Variants in ANXA4 observed in about 807,000 individuals in gnomAD.
The protein encoded by ANXA4 is 35-beta calcimedin.
A neutral mutation model predicts 49.8 loss-of-function variants in ANXA4; 39 were observed. The ratio of observed to expected loss-of-function variants is 0.78; its 90% CI spans 0.61 to 1.02. The LOEUF (loss-of-function observed/expected upper bound fraction) is 1.02. Ranked by LOEUF, ANXA4 falls within the 50% of genes least tolerant of loss-of-function variation. ANXA4 has a pLI of 0.00. For missense variants in ANXA4, 360 were observed against 410.1 expected, an observed-to-expected ratio of 0.88 and a Z score of 1.05; for synonymous variants, 134 against 152.5, an observed-to-expected ratio of 0.88 and a Z score of 0.89.
intron 2 of ANXA4, among the ~76,000 whole-genome samples, chr2:69,687,889 A>G (rs1231840750): frequency 6.6e-6 from 1 of 152,244 alleles, no homozygotes; most frequent in Non-Finnish European, 1.5e-5. Flanking sequence ...ATGCCTGAAC[A>G]TATCATTGAG....
At chr2:69,753,819 G>T (rs1670946430) in intron 1 of ANXA4, among the ~76,000 whole-genome samples, 1 of 152,230 alleles carries the variant, frequency 6.6e-6, no homozygotes. Context: ...TCCTAAGGAA[G>T]AAGGAAGGTG....
chr2:69,665,513 T>C (rs1308827134), intron 2 of ANXA4, among the ~76,000 whole-genome samples: 1 of 152,150 alleles, frequency 6.6e-6, no homozygotes, highest in Non-Finnish European at 1.5e-5. Context: ...AGAGTGAGAC[T>C]CCACCCCAGA....
At chr2:69,805,275 T>C (rs1461181213) in intron 4 of ANXA4, among the ~76,000 whole-genome samples, 2 of 151,960 alleles carry the variant, frequency 1.3e-5, no homozygotes, top group African/African-American at 4.8e-5. Flanking sequence ...ATGCCTTATG[T>C]ATATAACAGT....
intron 1 of ANXA4, among the ~76,000 whole-genome samples, chr2:69,745,268 T>TA (rs1670564330): frequency 6.6e-6 from 1 of 152,162 alleles, no homozygotes; most frequent in Non-Finnish European, 1.5e-5. Flanking sequence ...AAGTAGTTTT[T>TA]AAAACCCATA....
chr2:69,799,399 C>T (rs1673090625), intron 3 of ANXA4, among the ~76,000 whole-genome samples: 1 of 152,104 alleles, frequency 6.6e-6, no homozygotes, highest in African/African-American at 2.4e-5. Flanking sequence ...AGACTTCCAC[C>T]CCTTCTTCTG....
chr2:69,657,283 C>T (rs12478218), intron 2 of ANXA4, among the ~76,000 whole-genome samples: 7,337 of 152,050 alleles, frequency 0.048, 883 homozygotes, highest in East Asian at 0.36. Context: ...CATGAGCCAC[C>T]GTGCCCAGCA....
chr2:69,808,579 T>C (rs1182479555), intron 6 of ANXA4: 2 of 153,110 alleles, frequency 1.3e-5, no homozygotes, highest in East Asian at 3.8e-4. Flanking sequence ...GAGTAGCAGA[T>C]TGTCTAAACA....
chr2:69,657,210 G>T (rs534456256), intron 2 of ANXA4, among the ~76,000 whole-genome samples: 1 of 151,956 alleles, frequency 6.6e-6, no homozygotes, highest in African/African-American at 2.4e-5. Context: ...GGCCAGGCTG[G>T]TCTCAAACTC....
chr2:69,810,763 C>T (rs1401285044), intron 7 of ANXA4, 90 bp downstream of exon 7: 1 of 1,007,774 alleles, frequency 9.9e-7, no homozygotes, highest in Non-Finnish European at 1.6e-6. Flanking sequence ...CAGCCCCTGA[C>T]ATGTGGATAT....
chr2:69,655,178 G>A (rs186175359), intron 2 of ANXA4, among the ~76,000 whole-genome samples: 11 of 152,228 alleles, frequency 7.2e-5, no homozygotes, highest in Admixed American at 3.3e-4. Context: ...TTGACAAATG[G>A]GATCTAATTA....
Position 69,804,538 on chromosome 2 carries a change from G to C in ANXA4, c.103G>C (p.Asp35His), listed in dbSNP as rs34807725. ...TGTCTCCCTTCTTCCCCCAGGCACC[G>C]ATGAAGACGCCATTATTAGCGTCCT... Reference protein sequence around the residue: ...LRKAMKGLGTDEDAIISVLAY... With the variant: ...LRKAMKGLGTHEDAIISVLAY... Residue 35 changes from aspartate (D) to histidine (H), a missense_variant, in exon 4 of 13, where the codon GAT becomes CAT. By Grantham distance (81) the Asp-to-His change is moderately conservative (BLOSUM62 -1). Coordinates refer to ENST00000394295, the MANE Select transcript of ANXA4 (RefSeq NM_001153.5). 5.1e-4 allele frequency: 821 copies of C among 1,613,510 alleles called. 1 individual carries two copies. The African/African-American group carries it at 0.01, about 20-fold the overall frequency.
chr2:69,802,238 A>T (rs1292271005), intron 3 of ANXA4, among the ~76,000 whole-genome samples: 2 of 152,236 alleles, frequency 1.3e-5, no homozygotes, highest in Non-Finnish European at 2.9e-5. Flanking sequence ...GGGAAGACCA[A>T]CCAGGAGTTA....
At chr2:69,702,688 G>A (rs1294768407) in intron 2 of ANXA4, among the ~76,000 whole-genome samples, 3 of 152,118 alleles carry the variant, frequency 2.0e-5, no homozygotes, top group African/African-American at 4.8e-5. Flanking sequence ...ACTCCAGCCT[G>A]GGTGACAGAG....
At chr2:69,752,923 C>G (rs1374169186) in intron 1 of ANXA4, among the ~76,000 whole-genome samples, 1 of 152,222 alleles carries the variant, frequency 6.6e-6, no homozygotes, top group Non-Finnish European at 1.5e-5. Context: ...TCTTAACGTT[C>G]ATAATCATAG....
rs903795773 is a variant in ANXA4, at chr2:69,787,895, G to A, written c.10-159G>A. Among the ~76,000 whole-genome samples the A allele has an allele frequency of 3.3e-5, 5 of 152,176 alleles. No individual in the cohort carries two copies. In the South Asian group the frequency reaches 6.2e-4, roughly 19 times the overall value. On this transcript the variant is annotated intron_variant, in intron 2 of 12. Transcript: ENST00000394295. Reference sequence around the variant, plus strand: ...TCCCATGAGCTAGAGCATCAGTCCCGGGGAGCAAGAGCTTAATTTTTCATG... The same window carrying A: ...TCCCATGAGCTAGAGCATCAGTCCCAGGGAGCAAGAGCTTAATTTTTCATG...
chr2:69,677,704 A>C (rs552444655), intron 2 of ANXA4, among the ~76,000 whole-genome samples: 1 of 152,218 alleles, frequency 6.6e-6, no homozygotes, highest in Non-Finnish European at 1.5e-5. Context: ...GAAGAGCCTC[A>C]GAAACAGCAA....
At position 69,719,446 on chromosome 2, in the gene ANXA4, TTA is replaced by T. The variant is rs374214680; in HGVS notation, n.767-1326_767-1325del. On this transcript the variant is annotated intron_variant and non_coding_transcript_variant, in intron 2 of 3. Transcript: ENST00000418066. ...TCCAAGTAATTTTTAAAAATTATTA[TTA>T]TTTTTTTTTGAGACGGAGTCTTGCT... Among the ~76,000 whole-genome samples, 451 of 151,490 alleles carry T rather than the reference TTA, an allele frequency of 3.0e-3. 5 individuals carry two copies. The highest frequency in any genetic ancestry group is 8.9e-3 in the Admixed American group (135 of 15,202).
At chr2:69,812,202 G>T (rs1178041215) in intron 7 of ANXA4, among the ~76,000 whole-genome samples, 2 of 149,858 alleles carry the variant, frequency 1.3e-5, no homozygotes, top group African/African-American at 4.9e-5. Context: ...TTAGCTCACT[G>T]CCTTGAACTC....
intron 3 of ANXA4, among the ~76,000 whole-genome samples, chr2:69,794,766 G>A (rs183947741): frequency 3.4e-4 from 51 of 152,080 alleles, no homozygotes; most frequent in Admixed American, 3.0e-3. Context: ...GGGTTTCACC[G>A]TGTTAGCCAG....
Sources: gnomAD v4.1 joint callset for allele counts (sites outside exome capture counted in the v4.1 genomes callset) on GRCh38, gnomAD v4.1.1 for gene constraint, MANE v1.5 for transcripts, NCBI Gene and HGNC (gene_info 2026-07-23, HGNC 2026-07-21) for gene names.